The following CIB1 variants were observed in gnomAD, a reference collection of about 807,000 sequenced individuals.
The protein encoded by CIB1 is calcium and integrin-binding protein 1.
A neutral mutation model predicts 25.0 loss-of-function variants in CIB1; 19 were observed. That is an observed-to-expected ratio of 0.76 (90% CI 0.53 to 1.12). The LOEUF (loss-of-function observed/expected upper bound fraction) is 1.12. Among genes scored for constraint, CIB1 ranks in the 50% most tolerant of loss-of-function variants. The pLI is 0.00. For missense variants in CIB1, 236 were observed against 242.6 expected, an observed-to-expected ratio of 0.97 and a Z score of 0.18; for synonymous variants, 104 against 98.5, an observed-to-expected ratio of 1.06 and a Z score of -0.33.
At chr15:90,261,727 CAG>C in the CIB1 span, among the ~76,000 whole-genome samples, 1 of 152,180 alleles carries the variant, frequency 6.6e-6, no homozygotes, top group East Asian at 1.9e-4. Context: ...TTACAGTGAG[CAG>C]AGATTGTGCC....
rs143773090 is a variant in CIB1, at chr15:90,231,489, G to A, written c.214C>T (p.Arg72Ter). The change falls in exon 4 of 7, where the codon CGA (arginine) becomes TGA (stop). Residue 72 changes from arginine to a stop codon, truncating the protein, a stop_gained. Transcript: ENST00000328649. LOFTEE classifies it high-confidence loss of function. ...GATGTGGAGAAGACCCTGCAGATTCGCTCCTTGAAGGGGTTGGCCTAGGAG... is the reference window on the plus strand; with the variant it reads ...GATGTGGAGAAGACCCTGCAGATTCACTCCTTGAAGGGGTTGGCCTAGGAG... ...PELKANPFKE[R>*]ICRVFSTSPA... The A allele has an allele frequency of 8.1e-6, 13 of 1,613,948 alleles. No homozygotes were observed. The African/African-American group carries it at 1.5e-4, about 18-fold the overall frequency.
At chr15:90,232,506 G>C in intron 2 of CIB1, 179 bp from the exon 3 acceptor site, 1 of 971,534 alleles carries the variant, frequency 1.0e-6, no homozygotes, top group Non-Finnish European at 1.4e-6. Flanking sequence ...GTACAGCCTA[G>C]GAGTCTATTC....
At chr15:90,262,996 C>T in the CIB1 span, 1 of 1,536,022 alleles carries the variant, frequency 6.5e-7, no homozygotes, top group Non-Finnish European at 8.7e-7. Flanking sequence ...CACCATGAGG[C>T]CTCAAGAAAT....
chr15:90,237,838 G>C (rs1962668507), upstream of CIB1, among the ~76,000 whole-genome samples: 1 of 152,140 alleles, frequency 6.6e-6, no homozygotes, highest in African/African-American at 2.4e-5. Flanking sequence ...TGTGGTCCCA[G>C]CTACTTGGGA....
At chr15:90,242,228 T>C in the CIB1 span, 1,151 of 503,538 alleles carry the variant, frequency 2.3e-3, 16 homozygotes, top group African/African-American at 0.021. Context: ...GCTGAGACTA[T>C]AGGCGTGCAC....
the CIB1 span, chr15:90,258,267 G>T: frequency 3.1e-6 from 5 of 1,613,984 alleles, no homozygotes; most frequent in South Asian, 3.3e-5. Flanking sequence ...CTGGCTGCTA[G>T]AGGTGAGGAT....
the CIB1 span, chr15:90,259,024 T>C: frequency 6.3e-7 from 1 of 1,594,230 alleles, no homozygotes; most frequent in Non-Finnish European, 8.6e-7. Context: ...TGATTTGCTA[T>C]CAAAAACAAC....
chr15:90,231,265 G>T (rs1328393216), intron 4 of CIB1, 52 bp from the exon 5 acceptor site: 1 of 1,608,700 alleles, frequency 6.2e-7, no homozygotes, highest in African/African-American at 1.3e-5. Context: ...GGGCTCTGAG[G>T]TTCCCCAAAC....
chr15:90,237,519 C>A (rs557790891), upstream of CIB1, among the ~76,000 whole-genome samples: 2 of 151,984 alleles, frequency 1.3e-5, no homozygotes, highest in African/African-American at 2.4e-5. Context: ...ATCTTGACCT[C>A]GTGATTCACC....
the CIB1 span, chr15:90,240,847 A>T: frequency 9.2e-7 from 1 of 1,086,692 alleles, no homozygotes; most frequent in East Asian, 2.4e-5. Context: ...TACAATGACA[A>T]TCTCTGGAGG....
chr15:90,256,143 A>T, the CIB1 span: 1 of 1,614,150 alleles, frequency 6.2e-7, no homozygotes, highest in Non-Finnish European at 8.5e-7. Flanking sequence ...GCACATAGCT[A>T]TGGGGACTTC....
chr15:90,259,137 AG>A, the CIB1 span: 1 of 1,190,910 alleles, frequency 8.4e-7, no homozygotes, highest in Non-Finnish European at 1.1e-6. Context: ...CTGAGGCAGG[AG>A]GATTGCTTGA....
the CIB1 span, chr15:90,262,191 G>C: frequency 6.5e-7 from 1 of 1,529,610 alleles, no homozygotes; most frequent in African/African-American, 1.4e-5. Context: ...GAGTGTGCCA[G>C]GTACTTTGAC....
At chr15:90,246,316 T>G in the CIB1 span, among the ~76,000 whole-genome samples, 4 of 152,044 alleles carry the variant, frequency 2.6e-5, no homozygotes, top group African/African-American at 7.2e-5. Context: ...GAACTCTTCA[T>G]GCAGGGCCTC....
chr15:90,240,940 C>A, the CIB1 span: 1 of 1,614,012 alleles, frequency 6.2e-7, no homozygotes, highest in Non-Finnish European at 8.5e-7. Flanking sequence ...AACGAAACTT[C>A]CTATTTGCTG....
the CIB1 span, chr15:90,251,492 T>C: frequency 2.0e-6 from 3 of 1,490,302 alleles, no homozygotes; most frequent in Admixed American, 1.7e-5. Context: ...TGGATGTCTT[T>C]TCATCTGAGT....
chr15:90,263,900 C>T, the CIB1 span: 3 of 1,298,102 alleles, frequency 2.3e-6, no homozygotes, highest in Non-Finnish European at 3.2e-6. Flanking sequence ...GGGGCACTGC[C>T]AAGCATGAAT....
upstream of CIB1, among the ~76,000 whole-genome samples, chr15:90,237,290 T>TTC (rs1487123809): frequency 6.8e-6 from 1 of 146,540 alleles, no homozygotes; most frequent in African/African-American, 2.5e-5. Flanking sequence ...TCCCTTTTTT[T>TTC]TTTTTTTTTT....
the CIB1 span, chr15:90,263,658 A>G: frequency 1.7e-6 from 1 of 604,830 alleles, no homozygotes; most frequent in South Asian, 2.0e-5. Flanking sequence ...CCTAGAAGAG[A>G]TTTTTTTCAG....
Sources: allele counts gnomAD v4.1 joint callset (sites outside exome capture counted in the v4.1 genomes callset), GRCh38; gene constraint gnomAD v4.1.1; transcripts MANE v1.5; gene names NCBI Gene and HGNC (gene_info 2026-07-23, HGNC 2026-07-21).